Variants in UBE2E2 observed in about 807,000 individuals in gnomAD.
UBE2E2 encodes the protein ubiquitin conjugating enzyme E2 E2.
Under a neutral mutation model 24.7 loss-of-function variants are expected in UBE2E2, and 6 were observed. The ratio of observed to expected loss-of-function variants is 0.24; its 90% CI spans 0.13 to 0.48. The LOEUF is 0.48. UBE2E2 is among the 20% of genes least tolerant of loss of function. UBE2E2 has a pLI of 0.99. For missense variants in UBE2E2, 169 were observed against 245.0 expected (o/e 0.69, Z 2.07); for synonymous variants, 104 against 83.6 (o/e 1.24, Z -1.33).
intron 3 of UBE2E2, among the ~76,000 whole-genome samples, chr3:23,230,173 TA>T (rs1696935615): frequency 6.6e-6 from 1 of 152,222 alleles, no homozygotes. Context: ...TCAGTTCTAT[TA>T]ATTGGTTAGA....
rs1041377796 is a variant in UBE2E2 at position 23,564,531 on chromosome 3, C to T, written c.509-25203C>T. ...CACATTAGGGAACCTGTGACTGTGC[C>T]CACCACACAAGCATTTTAAAATTGG... On this transcript the variant is annotated intron_variant, in intron 5 of 5. Coordinates refer to ENST00000396703, the MANE Select transcript of UBE2E2 (RefSeq NM_152653.4). 4.6e-5 allele frequency among the ~76,000 whole-genome samples: 7 copies of T among 152,124 alleles called. No individual in the cohort carries two copies. In the South Asian group the frequency reaches 1.5e-3, roughly 32 times the overall value.
chr3:23,571,787 G>A (rs1249604707), intron 5 of UBE2E2, among the ~76,000 whole-genome samples: 1 of 152,084 alleles, frequency 6.6e-6, no homozygotes, highest in Non-Finnish European at 1.5e-5. Context: ...CTTTACTAAC[G>A]AATCTCTTGG....
At chr3:23,338,379 A>G (rs1695274398) in intron 3 of UBE2E2, among the ~76,000 whole-genome samples, 1 of 152,190 alleles carries the variant, frequency 6.6e-6, no homozygotes, top group Non-Finnish European at 1.5e-5. Context: ...TGAACCTTGG[A>G]TTAGAATTTG....
intron 3 of UBE2E2, among the ~76,000 whole-genome samples, chr3:23,305,651 T>C (rs1335556222): frequency 6.6e-6 from 1 of 152,194 alleles, no homozygotes; most frequent in Non-Finnish European, 1.5e-5. Flanking sequence ...CATTTGAAAA[T>C]CATGGTTATA....
intron 3 of UBE2E2, among the ~76,000 whole-genome samples, chr3:23,267,521 T>C (rs2125359304): frequency 6.6e-6 from 1 of 152,280 alleles, no homozygotes; most frequent in South Asian, 2.1e-4. Context: ...GTTGAATCTC[T>C]GAATAGACCA....
At position 23,300,352 on chromosome 3, in the gene UBE2E2, A is replaced by T. The variant is rs1372395456; in HGVS notation, c.227+83040A>T. On this transcript the variant is annotated intron_variant, in intron 3 of 5. Transcript: ENST00000396703. Reference sequence around the variant, plus strand: ...TGATGTTAGCTGGTTATTTTGCTCGATAGTTGATGCAGTTTCTTCCTAGCC... The same window carrying T: ...TGATGTTAGCTGGTTATTTTGCTCGTTAGTTGATGCAGTTTCTTCCTAGCC... Among the ~76,000 whole-genome samples, 178 of 152,086 alleles carry T rather than the reference A, an allele frequency of 1.2e-3. No individual in the cohort carries two copies. In the Middle Eastern group the frequency reaches 0.014, roughly 12 times the overall value.
intron 3 of UBE2E2, among the ~76,000 whole-genome samples, chr3:23,238,679 C>T (rs536169817): frequency 3.3e-5 from 5 of 152,228 alleles, no homozygotes; most frequent in African/African-American, 9.6e-5. Flanking sequence ...TCATAATGAG[C>T]GATCTTCAGG....
intron 5 of UBE2E2, among the ~76,000 whole-genome samples, chr3:23,558,440 G>T (rs1282123818): frequency 6.6e-6 from 1 of 152,108 alleles, no homozygotes; most frequent in Non-Finnish European, 1.5e-5. Flanking sequence ...TGATGCCCGA[G>T]TCTCAGACTC....
chr3:23,413,618 A>T (rs1411608597), intron 3 of UBE2E2, among the ~76,000 whole-genome samples: 3 of 152,094 alleles, frequency 2.0e-5, no homozygotes, highest in African/African-American at 7.2e-5. Context: ...CTCATTCTTT[A>T]GGTTTTAGCT....
At chr3:23,575,822 A>G (rs1696334244) in intron 5 of UBE2E2, among the ~76,000 whole-genome samples, 1 of 152,182 alleles carries the variant, frequency 6.6e-6, no homozygotes, top group Non-Finnish European at 1.5e-5. Context: ...TCTAACAGCA[A>G]AAAATCAAAA....
intron 3 of UBE2E2, among the ~76,000 whole-genome samples, chr3:23,302,536 C>T (rs1248107822): frequency 2.0e-5 from 3 of 152,190 alleles, no homozygotes. Context: ...TTTCTTTGAA[C>T]TTCTGTTACA....
chr3:23,234,160 A>G (rs1280905279), intron 3 of UBE2E2, among the ~76,000 whole-genome samples: 2 of 151,500 alleles, frequency 1.3e-5, no homozygotes, highest in Non-Finnish European at 2.9e-5. Context: ...TGTACAGAGA[A>G]AGAGTGTTGC....
intron 5 of UBE2E2, among the ~76,000 whole-genome samples, chr3:23,576,588 A>G (rs1251554859): frequency 6.6e-6 from 1 of 152,182 alleles, no homozygotes; most frequent in Admixed American, 6.6e-5. Context: ...GCTGCAAAGG[A>G]ACACCTGCCT....
At chr3:23,552,513 A>C (rs1559419308) in intron 5 of UBE2E2, among the ~76,000 whole-genome samples, 1 of 152,230 alleles carries the variant, frequency 6.6e-6, no homozygotes. Flanking sequence ...TAAAGAAAGC[A>C]TAAACAAGGA....
intron 4 of UBE2E2, among the ~76,000 whole-genome samples, chr3:23,523,675 A>G (rs1318879291): frequency 6.6e-6 from 1 of 151,934 alleles, no homozygotes; most frequent in Non-Finnish European, 1.5e-5. Flanking sequence ...AGATATACAT[A>G]TTTTTCAGGA....
At chr3:23,320,317 T>C (rs1303856090) in intron 3 of UBE2E2, among the ~76,000 whole-genome samples, 3 of 152,228 alleles carry the variant, frequency 2.0e-5, no homozygotes, top group Admixed American at 6.5e-5. Context: ...TTTCCTCTTA[T>C]ATATTACTCC....
intron 3 of UBE2E2, among the ~76,000 whole-genome samples, chr3:23,387,006 TA>T (rs1382398393): frequency 2.6e-5 from 4 of 152,226 alleles, no homozygotes; most frequent in African/African-American, 9.6e-5. Context: ...AAGTACCTGC[TA>T]TTTGAAAAGT....
intron 3 of UBE2E2, among the ~76,000 whole-genome samples, chr3:23,312,323 A>T (rs561610888): frequency 6.6e-6 from 1 of 152,314 alleles, no homozygotes; most frequent in African/African-American, 2.4e-5. Context: ...ATGCAGGTAT[A>T]CAATGCATAA....
chr3:23,274,045 G>T (rs1698319474), intron 3 of UBE2E2: 1 of 152,156 alleles, frequency 6.6e-6, no homozygotes, highest in African/African-American at 2.4e-5. Flanking sequence ...GATATAAGAA[G>T]GGAGTCAAAT....
Sources: gnomAD v4.1 joint callset for allele counts (sites outside exome capture counted in the v4.1 genomes callset) on GRCh38, gnomAD v4.1.1 for gene constraint, MANE v1.5 for transcripts, NCBI Gene and HGNC (gene_info 2026-07-23, HGNC 2026-07-21) for gene names.